The following TOX2 variants were observed in gnomAD, a reference collection of about 807,000 sequenced individuals.
TOX2 encodes TOX high mobility group box family member 2, also known as granulosa cell HMG box 1.
TOX2 carries 15 observed loss-of-function variants against 47.4 expected under a neutral mutation model. That is an observed-to-expected ratio of 0.32 (90% CI 0.21 to 0.49). TOX2 has a LOEUF of 0.49. Ranked by LOEUF, TOX2 falls within the 20% of genes least tolerant of loss-of-function variation. The probability of loss-of-function intolerance (pLI) is 0.99; values close to 1 mark genes in which losing one functional copy is unlikely to be tolerated. For synonymous variants in TOX2, 290 were observed against 296.6 expected, an observed-to-expected ratio of 0.98 and a Z score of 0.23; for missense variants, 622 against 673.1, an observed-to-expected ratio of 0.92 and a Z score of 0.84.
At chr20:43,951,707 G>GTTTTTTTTTGTTTTT in intron 1 of TOX2, among the ~76,000 whole-genome samples, 1 of 55,096 alleles carries the variant, frequency 1.8e-5, no homozygotes, top group Non-Finnish European at 3.9e-5. Flanking sequence ...AACTTATTAT[G>GTTTTTTTTTGTTTTT]TTTTTTTTTT....
intron 4 of TOX2, among the ~76,000 whole-genome samples, chr20:44,052,749 G>A (rs1459291301): frequency 6.6e-6 from 1 of 152,208 alleles, no homozygotes; most frequent in Non-Finnish European, 1.5e-5. Flanking sequence ...GTTAAGTAAT[G>A]TATCTGGTGT....
intron 2 of TOX2, among the ~76,000 whole-genome samples, chr20:43,984,416 A>G (rs1029909470): frequency 2.6e-5 from 4 of 152,370 alleles, no homozygotes; most frequent in South Asian, 2.1e-4. Context: ...GATTGAACTA[A>G]TGAGCTCTTC....
rs192686073 is a variant in TOX2 at position 43,981,247 on chromosome 20, T to C, written c.165+7815T>C. On this transcript the variant is annotated intron_variant, in intron 2 of 8. Coordinates refer to ENST00000341197, the MANE Select transcript of TOX2 (RefSeq NM_001098797.2). ...GGTAAATGGACAACATCTATCAAAA[T>C]TGCAAATACATTGACCTTTAACCCA... Among the ~76,000 whole-genome samples, 16 of 152,308 alleles carry C rather than the reference T, an allele frequency of 1.1e-4. No individual in the cohort carries two copies. The East Asian group carries it at 1.9e-3, about 18-fold the overall frequency.
chr20:44,044,544 C>T (rs1483007175), intron 3 of TOX2, among the ~76,000 whole-genome samples: 1 of 152,008 alleles, frequency 6.6e-6, no homozygotes, highest in African/African-American at 2.4e-5. Flanking sequence ...AATTTCTTTG[C>T]ATTTTTATGG....
intron 1 of TOX2, among the ~76,000 whole-genome samples, chr20:43,954,695 T>TATTGCACCTGGCCTTGACCCACTCCC: frequency 6.6e-6 from 1 of 152,302 alleles, no homozygotes; most frequent in Middle Eastern, 3.4e-3. Context: ...GCCCCATTCC[T>TATTGCACCTGGCCTTGACCCACTCCC]ATTGCACCTG....
At chr20:43,927,506 C>CACACACAT (rs1177882499) in intron 1 of TOX2, among the ~76,000 whole-genome samples, 6 of 126,662 alleles carry the variant, frequency 4.7e-5, no homozygotes, top group Non-Finnish European at 9.6e-5. Context: ...CACACACACA[C>CACACACAT]ACACATCATG....
At chr20:43,995,181 T>C (rs1054958162) in intron 2 of TOX2, among the ~76,000 whole-genome samples, 1 of 152,166 alleles carries the variant, frequency 6.6e-6, no homozygotes, top group African/African-American at 2.4e-5. Flanking sequence ...ATAATTGTCC[T>C]GATTTTCAGA....
chr20:43,978,378 C>A (rs1436033425), intron 2 of TOX2, among the ~76,000 whole-genome samples: 4 of 152,170 alleles, frequency 2.6e-5, no homozygotes, highest in African/African-American at 9.7e-5. Flanking sequence ...TTCTAAGAGC[C>A]CTCTTCAAGT....
chr20:44,048,142 C>T lies in TOX2; in HGVS notation c.412-3164C>T, dbSNP rs527647838. Among the ~76,000 whole-genome samples, 19 of 151,892 alleles carry T rather than the reference C, an allele frequency of 1.3e-4. No individual in the cohort carries two copies. The East Asian group carries it at 3.5e-3, about 28-fold the overall frequency. ...GCTGAGGCAGAAAAATTGCTTGAAC[C>T]CTGGAGGTGGAGGCAGAGGTTGTGG... On this transcript the variant is annotated intron_variant, in intron 3 of 8. Coordinates refer to ENST00000341197, the MANE Select transcript of TOX2 (RefSeq NM_001098797.2).
In TOX2 at chr20:44,006,628, C is replaced by G. The variant is rs757710325; in HGVS notation, c.247C>G (p.Leu83Val). 2.7e-5 allele frequency: 44 copies of G among 1,614,046 alleles called. No homozygotes were observed. The highest frequency in any genetic ancestry group is 1.6e-4 in the Middle Eastern group (1 of 6,084). Residue 83 changes from leucine (L) to valine (V), a missense_variant, in exon 3 of 9, where the codon CTG (leucine) becomes GTG (valine). By Grantham distance (32) the Leu-to-Val change is conservative. Transcript: ENST00000341197. ...TPPNLPEPSL[L>V]HLGDHEASYH... is the part of the protein sequence containing the mutation. ...TCCCAACCTCCCGGAGCCATCCCTCCTGCACCTGGGGGACCACGAAGCCAG... is the reference window on the plus strand; with the variant it reads ...TCCCAACCTCCCGGAGCCATCCCTCGTGCACCTGGGGGACCACGAAGCCAG...
intron 1 of TOX2, among the ~76,000 whole-genome samples, chr20:43,930,971 G>T (rs2069245095): frequency 6.6e-6 from 1 of 152,014 alleles, no homozygotes; most frequent in Non-Finnish European, 1.5e-5. Flanking sequence ...TATTGTTTAT[G>T]TCCTTCTCTC....
chr20:43,940,968 C>G (rs1020694919), intron 1 of TOX2, among the ~76,000 whole-genome samples: 4 of 152,350 alleles, frequency 2.6e-5, no homozygotes, highest in African/African-American at 9.6e-5. Flanking sequence ...GGCGATGAAG[C>G]AGCTGCCTTA....
At chr20:44,014,128 C>CAAAAAAAAAAAAAAAAAAAAAAAAAAAA (rs55721806) in intron 3 of TOX2, among the ~76,000 whole-genome samples, 1 of 53,570 alleles carries the variant, frequency 1.9e-5, no homozygotes, top group Non-Finnish European at 3.2e-5. Context: ...GAGACTATCT[C>CAAAAAAAAAAAAAAAAAAAAAAAAAAAA]AAAAAAAAAA....
chr20:44,065,455 T>C lies in TOX2; in HGVS notation c.961-257T>C, dbSNP rs527629153. ...AGAGCTGGCTCAGTGGGATGGTGCT[T>C]GTCTCACTGGCCAGGCTGAGGAGCA... On this transcript the variant is annotated intron_variant, in intron 6 of 8. Coordinates refer to ENST00000341197, the MANE Select transcript of TOX2 (RefSeq NM_001098797.2). Among the ~76,000 whole-genome samples the C allele has an allele frequency of 3.9e-5, 6 of 152,326 alleles. No homozygotes were observed. In the East Asian group the frequency reaches 1.2e-3, roughly 29 times the overall value.
chr20:44,005,333 ACT>A (rs2145597051), intron 2 of TOX2, among the ~76,000 whole-genome samples: 1 of 152,258 alleles, frequency 6.6e-6, no homozygotes, highest in South Asian at 2.1e-4. Context: ...TCTATGCCAA[ACT>A]CTGGATAATT....
At chr20:43,933,234 G>T (rs1233254976) in intron 1 of TOX2, among the ~76,000 whole-genome samples, 1 of 152,164 alleles carries the variant, frequency 6.6e-6, no homozygotes, top group Non-Finnish European at 1.5e-5. Context: ...TGTGAACTTT[G>T]GGGGGACCAC....
At chr20:43,925,995 T>A (rs1029646287) in intron 1 of TOX2, among the ~76,000 whole-genome samples, 3 of 152,218 alleles carry the variant, frequency 2.0e-5, no homozygotes, top group Non-Finnish European at 4.4e-5. Flanking sequence ...ACTGGCTCCT[T>A]GTCCTAGAGT....
Position 44,006,928 on chromosome 20 carries a change from G to A in TOX2, c.411+136G>A, listed in dbSNP as rs945035361. On this transcript the variant is annotated intron_variant, in intron 3 of 8. Coordinates refer to ENST00000341197, the MANE Select transcript of TOX2 (RefSeq NM_001098797.2). ...GTCTGGGTTTACCTGGTTGCTTGGAGTTGGTAATCCCATGCTGGGATTACC... is the reference window on the plus strand; with the variant it reads ...GTCTGGGTTTACCTGGTTGCTTGGAATTGGTAATCCCATGCTGGGATTACC... 5 of 1,328,456 alleles carry A rather than the reference G, an allele frequency of 3.8e-6. No individual in the cohort carries two copies. The African/African-American group carries it at 7.4e-5, about 20-fold the overall frequency. 82.3% of individuals were successfully genotyped at this position (1,328,456 alleles called of 1,614,324 possible). A position where few individuals can be genotyped will look rare whatever the true frequency, so the allele number is the denominator to read the frequency against.
At chr20:43,937,456 T>C (rs897606274) in intron 1 of TOX2, among the ~76,000 whole-genome samples, 1 of 151,534 alleles carries the variant, frequency 6.6e-6, no homozygotes, top group Non-Finnish European at 1.5e-5. Flanking sequence ...AGAGTTCAGT[T>C]TGAGGAAGGG....
Sources: allele counts gnomAD v4.1 joint callset (sites outside exome capture counted in the v4.1 genomes callset), GRCh38; gene constraint gnomAD v4.1.1; transcripts MANE v1.5; gene names NCBI Gene and HGNC (gene_info 2026-07-23, HGNC 2026-07-21).